Variants in RUFY1 observed in about 807,000 individuals in gnomAD.
The protein encoded by RUFY1 is RUN and FYVE domain containing 1.
RUFY1 carries 54 observed loss-of-function variants against 94.6 expected under a neutral mutation model. That is an observed-to-expected ratio of 0.57 (90% CI 0.46 to 0.72). The LOEUF (loss-of-function observed/expected upper bound fraction) is 0.72, where lower values mean the gene tolerates loss of function less well. Ranked by LOEUF, RUFY1 falls within the 30% of genes least tolerant of loss-of-function variation. The pLI, the probability that RUFY1 is intolerant of heterozygous loss-of-function variation, is 0.00. For synonymous variants in RUFY1, 396 were observed against 347.3 expected (o/e 1.14, Z -1.56); for missense variants, 883 against 883.9 (o/e 1.00, Z 0.01).
At chr5:179,579,662 T>TCTTTTTC (rs56879380) in intron 6 of RUFY1, among the ~76,000 whole-genome samples, 1 of 85,512 alleles carries the variant, frequency 1.2e-5, no homozygotes, top group South Asian at 4.0e-4. Flanking sequence ...TTCTTCTTTT[T>TCTTTTTC]TTTTTTTTTT....
At chr5:179,558,029 C>T (rs1762192670) in intron 1 of RUFY1, among the ~76,000 whole-genome samples, 4 of 152,006 alleles carry the variant, frequency 2.6e-5, no homozygotes, top group Non-Finnish European at 5.9e-5. Flanking sequence ...TTCCTTAAAA[C>T]ATCTGGGCAT....
intron 2 of RUFY1, among the ~76,000 whole-genome samples, chr5:179,561,220 T>C (rs959492298): frequency 2.2e-5 from 3 of 139,376 alleles, no homozygotes; most frequent in African/African-American, 7.8e-5. Flanking sequence ...CAAAAATAAA[T>C]AAATAAATAA....
chr5:179,559,817 C>T (rs1581422552), intron 1 of RUFY1: 4 of 1,331,336 alleles, frequency 3.0e-6, no homozygotes, highest in African/African-American at 1.5e-5. Context: ...CTCTTCTGAC[C>T]CAAGGCCCCG....
chr5:179,568,160 C>T (rs930276974), intron 4 of RUFY1, among the ~76,000 whole-genome samples: 3 of 152,046 alleles, frequency 2.0e-5, no homozygotes, highest in Non-Finnish European at 4.4e-5. Flanking sequence ...AGGAGGATTG[C>T]TTGAACCCAG....
rs955174645 is a variant in RUFY1, at chr5:179,596,781, G to C, written c.1631+100G>C. 4 of 622,756 alleles carry C rather than the reference G, an allele frequency of 6.4e-6. 1 individual carries two copies. The highest frequency in any genetic ancestry group is 2.0e-5 in the South Asian group (1 of 50,108). The allele number at this position is 622,756 out of a possible 1,614,324, so 38.6% of individuals were successfully genotyped here. ...CCTGCTTCAGCACGAACGGGAGGAG[G>C]GGGGGCGGGGGGGCAGGTGGTATCC... On this transcript the variant is annotated intron_variant, in intron 13 of 17. Transcript: ENST00000319449.
chr5:179,605,830 C>G (rs1767016617), intron 15 of RUFY1, 46 bp from the exon 16 acceptor site: 1,844 of 1,056,680 alleles, frequency 1.7e-3, no homozygotes, highest in Non-Finnish European at 2.4e-3. Flanking sequence ...GATTCAGAGC[C>G]TCACTCTCTC....
intron 3 of RUFY1, among the ~76,000 whole-genome samples, chr5:179,566,394 C>G (rs1201948611): frequency 6.6e-6 from 1 of 151,966 alleles, no homozygotes; most frequent in Non-Finnish European, 1.5e-5. Context: ...TACTTGAGGT[C>G]AAGAGTTTGA....
intron 16 of RUFY1, chr5:179,606,400 A>G (rs4700811): frequency 1 from 164,264 of 164,804 alleles, 81,865 homozygotes; most frequent in East Asian, 1. Flanking sequence ...TTCCACCGAA[A>G]AGCAGGAGTT....
chr5:179,555,977 C>T (rs1487497446), intron 1 of RUFY1, among the ~76,000 whole-genome samples: 2 of 151,948 alleles, frequency 1.3e-5, no homozygotes, highest in African/African-American at 2.4e-5. Flanking sequence ...GGATTACAGG[C>T]ATGAGACACT....
At chr5:179,560,441 T>C (rs368303096) in intron 2 of RUFY1, among the ~76,000 whole-genome samples, 50 of 152,102 alleles carry the variant, frequency 3.3e-4, no homozygotes, top group Middle Eastern at 3.4e-3. Context: ...TAGATGAGGC[T>C]GGGCGCGGTG....
chr5:179,556,437 T>C (rs1009777245), intron 1 of RUFY1, among the ~76,000 whole-genome samples: 1 of 152,112 alleles, frequency 6.6e-6, no homozygotes, highest in Non-Finnish European at 1.5e-5. Context: ...TTATTAGTAA[T>C]GCTACATTGG....
chr5:179,580,286 A>T (rs371075880), intron 6 of RUFY1, among the ~76,000 whole-genome samples: 13 of 139,146 alleles, frequency 9.3e-5, no homozygotes, highest in African/African-American at 3.4e-4. Context: ...TCTGTCGCCC[A>T]GGCTGGAGTG....
At position 179,607,588 on chromosome 5, in the gene RUFY1, G is replaced by A. The variant is rs772416425; in HGVS notation, c.1912G>A (p.Ala638Thr). Residue 638 changes from alanine to threonine, a missense_variant, in exon 17 of 18, where the codon GCC becomes ACC. Ala to Thr is a moderately conservative substitution (Grantham distance 58). Transcript: ENST00000319449. ...AATGTCCTTTCCTCTTCAGGGCCACGCCTGGCTGAAAGATGACGAAGCGAC... is the reference window on the plus strand; with the variant it reads ...AATGTCCTTTCCTCTTCAGGGCCACACCTGGCTGAAAGATGACGAAGCGAC... ...KEVNQALKGH[A>T]WLKDDEATHC... The A allele has an allele frequency of 1.8e-5, 29 of 1,614,082 alleles. No individual in the cohort carries two copies. Among genetic ancestry groups the A allele is most frequent in the East Asian group, 6.7e-5 (3 of 44,900 alleles).
At chr5:179,567,085 C>T (rs779444012) in intron 3 of RUFY1, among the ~76,000 whole-genome samples, 1 of 152,010 alleles carries the variant, frequency 6.6e-6, no homozygotes, top group Non-Finnish European at 1.5e-5. Context: ...ATAAAAAGTA[C>T]GTTTGAGCTA....
At chr5:179,553,519 C>T (rs933007525) in intron 1 of RUFY1, among the ~76,000 whole-genome samples, 1 of 152,108 alleles carries the variant, frequency 6.6e-6, no homozygotes, top group Non-Finnish European at 1.5e-5. Flanking sequence ...CATGGTGGCT[C>T]ACACCTGTAA....
chr5:179,587,460 T>G (rs1406962589), intron 8 of RUFY1, among the ~76,000 whole-genome samples: 1 of 148,510 alleles, frequency 6.7e-6, no homozygotes, highest in East Asian at 2.0e-4. Context: ...CTCCGCTCAC[T>G]GCAAGCTCCC....
chr5:179,564,540 C>G (rs1762687016), intron 3 of RUFY1, among the ~76,000 whole-genome samples: 1 of 151,618 alleles, frequency 6.6e-6, no homozygotes, highest in African/African-American at 2.4e-5. Context: ...TCTTTCCCAC[C>G]TCAGCCTCCC....
intron 1 of RUFY1, among the ~76,000 whole-genome samples, chr5:179,552,347 T>C (rs1761907959): frequency 6.6e-6 from 1 of 152,112 alleles, no homozygotes; most frequent in South Asian, 2.1e-4. Flanking sequence ...AGGAGCATCA[T>C]AGCACACACT....
At chr5:179,557,338 G>T (rs908411914) in intron 1 of RUFY1, among the ~76,000 whole-genome samples, 3 of 152,158 alleles carry the variant, frequency 2.0e-5, no homozygotes, top group African/African-American at 7.2e-5. Context: ...GCTGAGGCAG[G>T]AGAATCTCTT....
Sources: allele counts gnomAD v4.1 joint callset (sites outside exome capture counted in the v4.1 genomes callset), GRCh38; gene constraint gnomAD v4.1.1; transcripts MANE v1.5; gene names NCBI Gene and HGNC (gene_info 2026-07-23, HGNC 2026-07-21).